Variants in PLD5 observed in about 807,000 individuals in gnomAD.
PLD5 encodes the protein inactive phospholipase D5.
A neutral mutation model predicts 61.1 loss-of-function variants in PLD5; 36 were observed. That is an observed-to-expected ratio of 0.59 (90% CI 0.45 to 0.78). The LOEUF is 0.78. Ranked by LOEUF, PLD5 falls within the 30% of genes least tolerant of loss-of-function variation. The probability of loss-of-function intolerance (pLI) is 0.00; values close to 1 mark genes in which losing one functional copy is unlikely to be tolerated. For missense variants in PLD5, 515 were observed against 644.4 expected (o/e 0.80, Z 2.17); for synonymous variants, 243 against 242.8 (o/e 1.00, Z -0.01).
chr1:242,366,965 G>C (rs1401345969), intron 1 of PLD5, among the ~76,000 whole-genome samples: 1 of 151,810 alleles, frequency 6.6e-6, no homozygotes, highest in East Asian at 1.9e-4. Flanking sequence ...TGCAAAATTA[G>C]ACATGCAAAA....
At chr1:242,143,745 A>G (rs1664344348) in intron 5 of PLD5, among the ~76,000 whole-genome samples, 1 of 152,202 alleles carries the variant, frequency 6.6e-6, no homozygotes, top group Admixed American at 6.5e-5. Context: ...GAACAAACAT[A>G]CAATGTAAAC....
rs1659382005 is a variant in PLD5 at position 242,084,798 on chromosome 1, G to A, written c.*5056C>T. 2.6e-5 allele frequency: 3 copies of A among 117,102 alleles called. No homozygotes were observed. The highest frequency in any genetic ancestry group is 4.9e-5 in the Non-Finnish European group (3 of 60,956). The allele number at this position is 117,102 out of a possible 1,614,324, so 7.3% of individuals were successfully genotyped here. On this transcript the variant is annotated 3_prime_UTR_variant, in exon 10 of 10. Transcript: ENST00000536534. ...TTTTTTAGAGAAAGAGATAGGTATA[G>A]TGTTTCAAAGATGCCTCCTTGTGTG...
chr1:242,305,781 C>T (rs891753510), intron 2 of PLD5, among the ~76,000 whole-genome samples: 6 of 152,128 alleles, frequency 3.9e-5, no homozygotes, highest in African/African-American at 1.4e-4. Flanking sequence ...AGGATGGTCT[C>T]GATCTCTTGA....
intron 1 of PLD5, among the ~76,000 whole-genome samples, chr1:242,513,848 T>C (rs1163556239): frequency 6.6e-6 from 1 of 152,220 alleles, no homozygotes; most frequent in Non-Finnish European, 1.5e-5. Context: ...TCAATAAACG[T>C]TTCCTGAATG....
At chr1:242,189,085 G>A (rs970032336) in intron 5 of PLD5, among the ~76,000 whole-genome samples, 1 of 152,146 alleles carries the variant, frequency 6.6e-6, no homozygotes, top group Admixed American at 6.5e-5. Flanking sequence ...AAAGAGAAGG[G>A]AGCATAACTG....
intron 5 of PLD5, among the ~76,000 whole-genome samples, chr1:242,195,142 T>G (rs1172157389): frequency 6.6e-6 from 1 of 152,210 alleles, no homozygotes; most frequent in Non-Finnish European, 1.5e-5. Flanking sequence ...TGAGAAAGAC[T>G]TTTCTAACAA....
chr1:242,403,710 C>G (rs1230149410), intron 1 of PLD5, among the ~76,000 whole-genome samples: 1 of 152,050 alleles, frequency 6.6e-6, no homozygotes, highest in African/African-American at 2.4e-5. Context: ...TCAAGTGATC[C>G]GCCCGCCTTG....
chr1:242,504,024 A>G (rs1307678704), intron 1 of PLD5, among the ~76,000 whole-genome samples: 1 of 152,242 alleles, frequency 6.6e-6, no homozygotes, highest in Non-Finnish European at 1.5e-5. Flanking sequence ...GACACAGACT[A>G]ACCAAATATG....
intron 4 of PLD5, among the ~76,000 whole-genome samples, chr1:242,242,359 A>G (rs1048967644): frequency 1.8e-4 from 28 of 152,148 alleles, no homozygotes; most frequent in Non-Finnish European, 3.8e-4. Flanking sequence ...GCAAACAGCC[A>G]CGCTTTACCA....
chr1:242,292,860 G>A (rs1675445908), intron 2 of PLD5, among the ~76,000 whole-genome samples: 1 of 152,082 alleles, frequency 6.6e-6, no homozygotes, highest in Non-Finnish European at 1.5e-5. Context: ...TATTATAAAT[G>A]TATTTCTAAA....
chr1:242,112,554 C>A (rs1441368319), intron 7 of PLD5, among the ~76,000 whole-genome samples: 1 of 152,066 alleles, frequency 6.6e-6, no homozygotes, highest in Non-Finnish European at 1.5e-5. Flanking sequence ...TAATATGAAT[C>A]TTGCAGCTAA....
At chr1:242,508,383 A>C (rs779839199) in intron 1 of PLD5, among the ~76,000 whole-genome samples, 7 of 152,080 alleles carry the variant, frequency 4.6e-5, no homozygotes, top group Non-Finnish European at 8.8e-5. Context: ...CAAAAAAAAA[A>C]AAATTTTGTT....
chr1:242,086,821 G>A lies in PLD5; in HGVS notation c.*3033C>T, dbSNP rs1211804939. On this transcript the variant is annotated 3_prime_UTR_variant, in exon 10 of 10. Coordinates refer to ENST00000536534, the MANE Select transcript of PLD5 (RefSeq NM_001372062.1). The stretch of plus-strand genomic sequence containing the variant: ...CAAGATATAGTCTCTAATTGTGTTT[G>A]TTTTCCTTTTTGCCTCTTGGGAAAT... 2 of 152,204 alleles carry A rather than the reference G, an allele frequency of 1.3e-5. No homozygotes were observed. The highest frequency in any genetic ancestry group is 4.8e-5 in the African/African-American group (2 of 41,456). 9.4% of individuals were successfully genotyped at this position (152,204 alleles called of 1,614,324 possible).
chr1:242,496,877 C>T (rs1668388472), intron 1 of PLD5, among the ~76,000 whole-genome samples: 2 of 152,342 alleles, frequency 1.3e-5, no homozygotes, highest in Admixed American at 1.3e-4. Context: ...AAGTTTTAGC[C>T]AGCAGGATGG....
intron 1 of PLD5, among the ~76,000 whole-genome samples, chr1:242,491,873 A>G (rs977640301): frequency 6.6e-6 from 1 of 152,208 alleles, no homozygotes; most frequent in Non-Finnish European, 1.5e-5. Context: ...CATTTGGCTC[A>G]TTTATCCCTT....
chr1:242,233,037 C>T (rs984986465), intron 4 of PLD5, among the ~76,000 whole-genome samples: 5 of 151,988 alleles, frequency 3.3e-5, no homozygotes, highest in African/African-American at 7.3e-5. Context: ...GCCTGTAATC[C>T]CAGCTACTTG....
At chr1:242,395,607 G>T (rs976204649) in intron 1 of PLD5, among the ~76,000 whole-genome samples, 1 of 152,192 alleles carries the variant, frequency 6.6e-6, no homozygotes, top group Non-Finnish European at 1.5e-5. Context: ...GAAAGAAAGG[G>T]AGAGGCAGTA....
intron 2 of PLD5, among the ~76,000 whole-genome samples, chr1:242,315,590 G>A (rs1351688622): frequency 6.6e-6 from 1 of 151,996 alleles, no homozygotes; most frequent in East Asian, 1.9e-4. Flanking sequence ...AGTTCCAGTG[G>A]GTATTGAGAT....
rs181767928 is a variant in PLD5 at position 242,211,566 on chromosome 1, C to G, written c.735+8422G>C. Among the ~76,000 whole-genome samples the G allele has an allele frequency of 8.7e-3, 1,321 of 152,266 alleles. 4 individuals carry two copies. Among genetic ancestry groups the G allele is most frequent in the Non-Finnish European group, 0.012 (838 of 68,030 alleles). On this transcript the variant is annotated intron_variant, in intron 5 of 9. Transcript: ENST00000536534. ...GGAGGAGCTGCAAAACTCTCTTCGG[C>G]TGCTGGTGCCGGCCGCCCCCTGGCC...
Sources: allele counts gnomAD v4.1 joint callset (sites outside exome capture counted in the v4.1 genomes callset), GRCh38; gene constraint gnomAD v4.1.1; transcripts MANE v1.5; gene names NCBI Gene and HGNC (gene_info 2026-07-23, HGNC 2026-07-21).